CHN2: variants seen among roughly 807,000 people sequenced by gnomAD.
The protein encoded by CHN2 is chimerin 2.
Under a neutral mutation model 56.3 loss-of-function variants are expected in CHN2, and 35 were observed. The ratio of observed to expected loss-of-function variants is 0.62; its 90% CI spans 0.47 to 0.82. CHN2 has a LOEUF of 0.82. Among genes scored for constraint, CHN2 ranks in the 40% least tolerant of loss-of-function variants. The pLI is 0.00. For synonymous variants in CHN2, 210 were observed against 212.8 expected (o/e 0.99, Z 0.12); for missense variants, 491 against 580.5 (o/e 0.85, Z 1.58).
chr7:29,344,781 C>T (rs1797301322), intron 1 of CHN2, among the ~76,000 whole-genome samples: 2 of 152,144 alleles, frequency 1.3e-5, no homozygotes, highest in African/African-American at 2.4e-5. Flanking sequence ...GACAGGGCTA[C>T]TCAAGGCAGA....
At chr7:29,219,830 A>C (rs1434385714) in intron 1 of CHN2, among the ~76,000 whole-genome samples, 1 of 152,190 alleles carries the variant, frequency 6.6e-6, no homozygotes, top group African/African-American at 2.4e-5. Flanking sequence ...TAATCCCAGC[A>C]CTTTAGGAGG....
At chr7:29,469,234 C>T (rs1404354013) in intron 6 of CHN2, among the ~76,000 whole-genome samples, 3 of 152,244 alleles carry the variant, frequency 2.0e-5, no homozygotes, top group African/African-American at 7.2e-5. Flanking sequence ...ATCACCTCCA[C>T]TGCTCCCACC....
chr7:29,175,792 G>A (rs1158034867), intron 2 of CHN2, among the ~76,000 whole-genome samples: 1 of 151,940 alleles, frequency 6.6e-6, no homozygotes, highest in Non-Finnish European at 1.5e-5. Flanking sequence ...TGAAAGAAGG[G>A]TTAGGAAGTA....
rs115661449 is a variant in CHN2 at position 29,349,962 on chromosome 7, G to A, written c.50-4663G>A. Reference sequence around the variant, plus strand: ...ATCTCCTGGACTTTATGCAATGCGTGTGTGTGCACAGATGGAATATGTTCC... The same window carrying A: ...ATCTCCTGGACTTTATGCAATGCGTATGTGTGCACAGATGGAATATGTTCC... On this transcript the variant is annotated intron_variant, in intron 1 of 12. Transcript: ENST00000222792. 2.1e-3 allele frequency among the ~76,000 whole-genome samples: 320 copies of A among 152,264 alleles called. 2 individuals carry two copies. The highest frequency in any genetic ancestry group is 7.3e-3 in the African/African-American group (302 of 41,550).
chr7:29,510,241 G>A (rs1583454952), intron 12 of CHN2, among the ~76,000 whole-genome samples: 1 of 152,280 alleles, frequency 6.6e-6, no homozygotes, highest in African/African-American at 2.4e-5. Flanking sequence ...AGGAATCCAG[G>A]TGTGACTCAG....
chr7:29,369,190 T>G (rs1717899000), intron 3 of CHN2, among the ~76,000 whole-genome samples: 1 of 152,184 alleles, frequency 6.6e-6, no homozygotes, highest in African/African-American at 2.4e-5. Flanking sequence ...TGCTAAAATT[T>G]CCTTCACTCC....
At chr7:29,405,159 C>A (rs1802525479) in intron 6 of CHN2, among the ~76,000 whole-genome samples, 1 of 77,780 alleles carries the variant, frequency 1.3e-5, no homozygotes, top group African/African-American at 4.0e-5. Context: ...GTGCTTATGT[C>A]ACCATACACA....
intron 1 of CHN2, among the ~76,000 whole-genome samples, chr7:29,228,885 C>T (rs1025623775): frequency 2.6e-5 from 4 of 152,234 alleles, no homozygotes; most frequent in Admixed American, 2.0e-4. Flanking sequence ...GGCGCTGCAC[C>T]GCCCTCCTTC....
At chr7:29,231,920 A>G (rs1182420529) in intron 1 of CHN2, among the ~76,000 whole-genome samples, 2 of 152,164 alleles carry the variant, frequency 1.3e-5, no homozygotes, top group African/African-American at 2.4e-5. Flanking sequence ...CAGTTTAAGT[A>G]TTTATTTTTA....
intron 2 of CHN2, among the ~76,000 whole-genome samples, chr7:29,362,226 T>C (rs1798790679): frequency 6.6e-6 from 1 of 152,154 alleles, no homozygotes; most frequent in Non-Finnish European, 1.5e-5. Context: ...ACTACAGCCT[T>C]TGGGTTTTGG....
intron 1 of CHN2, among the ~76,000 whole-genome samples, chr7:29,349,499 T>G (rs1017567590): frequency 1.3e-5 from 2 of 152,202 alleles, no homozygotes; most frequent in Non-Finnish European, 2.9e-5. Flanking sequence ...CCGCAAACTC[T>G]CATTTTCATG....
At chr7:29,509,263 C>A in intron 11 of CHN2, 38 bp from the exon 12 acceptor site, 1 of 1,475,712 alleles carries the variant, frequency 6.8e-7, no homozygotes, top group Non-Finnish European at 9.4e-7. Flanking sequence ...TTGAATGCCA[C>A]ACTCTGAACT....
intron 2 of CHN2, among the ~76,000 whole-genome samples, chr7:29,169,357 T>C (rs1333768419): frequency 4.6e-5 from 7 of 152,226 alleles, no homozygotes; most frequent in Non-Finnish European, 5.9e-5. Flanking sequence ...AGTGTGCTCT[T>C]TTAGAGTTTA....
At chr7:29,152,104 A>C (rs192319174) in intron 2 of CHN2, among the ~76,000 whole-genome samples, 31 of 152,320 alleles carry the variant, frequency 2.0e-4, no homozygotes, top group African/African-American at 7.2e-4. Flanking sequence ...TTATCTAGAA[A>C]AGTGACTCTA....
At chr7:29,480,436 T>A in intron 7 of CHN2, 80 bp downstream of exon 7, 2 of 1,419,120 alleles carry the variant, frequency 1.4e-6, no homozygotes, top group South Asian at 1.2e-5. Flanking sequence ...GTCTGGTTTC[T>A]GACTGTAAAG....
At chr7:29,472,299 G>A (rs76877341) in intron 6 of CHN2, among the ~76,000 whole-genome samples, 1,372 of 105,496 alleles carry the variant, frequency 0.013, 20 homozygotes, top group African/African-American at 0.048. Context: ...ACACACACAC[G>A]CACACACACA....
At chr7:29,205,237 C>A (rs1389483962) in intron 1 of CHN2, among the ~76,000 whole-genome samples, 2 of 152,122 alleles carry the variant, frequency 1.3e-5, no homozygotes, top group Non-Finnish European at 2.9e-5. Flanking sequence ...GGTGTTTCTT[C>A]CTATTGCTTT....
At chr7:29,396,872 C>T (rs1801798922) in intron 4 of CHN2, 1 of 152,894 alleles carries the variant, frequency 6.5e-6, no homozygotes, top group Non-Finnish European at 1.5e-5. Flanking sequence ...ACCTCACTAT[C>T]AAAGCTCCAA....
At chr7:29,244,676 C>T (rs1787939197) in intron 1 of CHN2, among the ~76,000 whole-genome samples, 1 of 152,222 alleles carries the variant, frequency 6.6e-6, no homozygotes, top group Non-Finnish European at 1.5e-5. Context: ...CATATATTGT[C>T]ATCTCCCTGG....
Sources: gnomAD v4.1 joint callset for allele counts (sites outside exome capture counted in the v4.1 genomes callset) on GRCh38, gnomAD v4.1.1 for gene constraint, MANE v1.5 for transcripts, NCBI Gene and HGNC (gene_info 2026-07-23, HGNC 2026-07-21) for gene names.